Variants in DGKB observed in about 807,000 individuals in gnomAD.
DGKB encodes the protein diacylglycerol kinase beta, also known as 90 kDa diacylglycerol kinase.
In DGKB, 67 loss-of-function variants were observed where a neutral mutation model predicts 114.3. That is an observed-to-expected ratio of 0.59 (90% CI 0.48 to 0.72). The LOEUF is 0.72. Among genes scored for constraint, DGKB ranks in the 30% least tolerant of loss-of-function variants. The pLI is 0.00. For synonymous variants in DGKB, 398 were observed against 323.1 expected, an observed-to-expected ratio of 1.23 and a Z score of -2.49; for missense variants, 907 against 975.2, an observed-to-expected ratio of 0.93 and a Z score of 0.93.
intron 21 of DGKB, among the ~76,000 whole-genome samples, chr7:14,403,699 C>T (rs554712879): frequency 7.9e-5 from 12 of 151,890 alleles, no homozygotes; most frequent in South Asian, 2.1e-4. Context: ...GTAAAAACCT[C>T]GGAAACTATT....
At chr7:14,180,280 C>T (rs1782440445) in intron 23 of DGKB, among the ~76,000 whole-genome samples, 1 of 152,194 alleles carries the variant, frequency 6.6e-6, no homozygotes. Flanking sequence ...AACACTTTCT[C>T]AAGACAGAGT....
intron 20 of DGKB, among the ~76,000 whole-genome samples, chr7:14,540,746 G>A (rs528731422): frequency 3.9e-5 from 6 of 152,188 alleles, no homozygotes; most frequent in African/African-American, 9.6e-5. Context: ...AGAACTCAAC[G>A]TAATAGTAAC....
At chr7:14,648,464 G>A (rs559429957) in intron 13 of DGKB, among the ~76,000 whole-genome samples, 101 of 151,964 alleles carry the variant, frequency 6.6e-4, no homozygotes, top group African/African-American at 2.4e-3. Flanking sequence ...CTAACAAACA[G>A]AAAGGACATC....
chr7:14,740,077 C>T (rs918609657), intron 4 of DGKB, among the ~76,000 whole-genome samples: 2 of 152,218 alleles, frequency 1.3e-5, no homozygotes, highest in African/African-American at 2.4e-5. Context: ...CTAGAGGCCC[C>T]GTGCAGACAG....
intron 5 of DGKB, among the ~76,000 whole-genome samples, chr7:14,729,166 A>G (rs1174440768): frequency 2.5e-5 from 3 of 121,790 alleles, no homozygotes; most frequent in South Asian, 2.5e-4. Flanking sequence ...TCTGTTGCCC[A>G]GGCTGGAGTG....
At chr7:14,628,227 T>C (rs1808999390) in intron 14 of DGKB, among the ~76,000 whole-genome samples, 2 of 152,018 alleles carry the variant, frequency 1.3e-5, no homozygotes, top group African/African-American at 2.4e-5. Flanking sequence ...CTCAAATCAT[T>C]GAATTTTGAA....
At chr7:14,629,829 C>A (rs1046665103) in intron 14 of DGKB, among the ~76,000 whole-genome samples, 1 of 152,036 alleles carries the variant, frequency 6.6e-6, no homozygotes, top group African/African-American at 2.4e-5. Flanking sequence ...AAGAGTCTCT[C>A]AACATACTGC....
chr7:14,178,864 C>T (rs1396560212), intron 23 of DGKB, among the ~76,000 whole-genome samples: 8 of 151,528 alleles, frequency 5.3e-5, no homozygotes, highest in Non-Finnish European at 5.9e-5. Flanking sequence ...TAAGAGTTGT[C>T]GCTTGTTGAG....
intron 5 of DGKB, among the ~76,000 whole-genome samples, chr7:14,729,758 A>G (rs1423986756): frequency 6.6e-6 from 1 of 152,188 alleles, no homozygotes; most frequent in African/African-American, 2.4e-5. Context: ...AGTGGTTTAC[A>G]ATATTTATTT....
At chr7:14,227,626 A>G (rs1791019947) in intron 23 of DGKB, among the ~76,000 whole-genome samples, 1 of 152,050 alleles carries the variant, frequency 6.6e-6, no homozygotes, top group African/African-American at 2.4e-5. Context: ...AAGGAGAAGG[A>G]GGCAGCAATC....
In DGKB at chr7:14,712,404, T is replaced by G. The variant is rs1053865704; in HGVS notation, c.466+6138A>C. 5.4e-4 allele frequency among the ~76,000 whole-genome samples: 82 copies of G among 152,084 alleles called. 1 individual carries two copies. Among genetic ancestry groups the G allele is most frequent in the Admixed American group, 3.3e-4 (5 of 15,256 alleles). ...ATGAACATAAATTTATGGTGGAGAA[T>G]TTGGGAATTGATTAGTTATAGAAAT... On this transcript the variant is annotated intron_variant, in intron 6 of 25. Transcript: ENST00000402815.
intron 20 of DGKB, among the ~76,000 whole-genome samples, chr7:14,543,529 ACT>A (rs1793817480): frequency 6.6e-6 from 1 of 152,222 alleles, no homozygotes; most frequent in South Asian, 2.1e-4. Flanking sequence ...AAAATAAAAC[ACT>A]GTTTGCATTT....
At chr7:14,564,939 C>A (rs916786459) in intron 20 of DGKB, among the ~76,000 whole-genome samples, 2 of 152,014 alleles carry the variant, frequency 1.3e-5, no homozygotes, top group Non-Finnish European at 2.9e-5. Context: ...CTATTAATCT[C>A]GTCAGTCCAC....
intron 20 of DGKB, among the ~76,000 whole-genome samples, chr7:14,570,444 G>A (rs1798213286): frequency 6.6e-6 from 1 of 151,942 alleles, no homozygotes; most frequent in Admixed American, 6.6e-5. Flanking sequence ...CACTCTTGCA[G>A]ACAAAAAAAT....
intron 1 of DGKB, among the ~76,000 whole-genome samples, chr7:14,864,149 T>C (rs925383922): frequency 2.0e-5 from 3 of 151,920 alleles, no homozygotes; most frequent in African/African-American, 7.2e-5. Context: ...ATTGAAATTA[T>C]TGGAAAATTT....
At chr7:14,868,067 C>T (rs934569638) in intron 1 of DGKB, among the ~76,000 whole-genome samples, 5 of 152,142 alleles carry the variant, frequency 3.3e-5, no homozygotes, top group African/African-American at 4.8e-5. Flanking sequence ...TCCTAATTAA[C>T]ACCTCTGCGT....
intron 25 of DGKB, among the ~76,000 whole-genome samples, chr7:14,167,163 T>C (rs1784725935): frequency 7.0e-6 from 1 of 143,648 alleles, no homozygotes; most frequent in African/African-American, 2.6e-5. Flanking sequence ...GTGAGCCAAC[T>C]TCATGCCACT....
At chr7:14,367,973 G>T (rs1367390646) in intron 21 of DGKB, among the ~76,000 whole-genome samples, 2 of 152,036 alleles carry the variant, frequency 1.3e-5, no homozygotes, top group African/African-American at 4.8e-5. Context: ...TGAGATTTGG[G>T]TGGGGACACA....
chr7:14,825,153 A>T (rs1361374261), intron 2 of DGKB, among the ~76,000 whole-genome samples: 1 of 150,210 alleles, frequency 6.7e-6, no homozygotes, highest in Non-Finnish European at 1.5e-5. Flanking sequence ...TCTGGCATGC[A>T]ATTGGCTTGA....
Sources: allele counts gnomAD v4.1 joint callset (sites outside exome capture counted in the v4.1 genomes callset), GRCh38; gene constraint gnomAD v4.1.1; transcripts MANE v1.5; gene names NCBI Gene and HGNC (gene_info 2026-07-23, HGNC 2026-07-21).